CD163L1: variants seen among roughly 807,000 people sequenced by gnomAD.
The protein encoded by CD163L1 is scavenger receptor cysteine-rich type 1 protein M160.
A neutral mutation model predicts 165.4 loss-of-function variants in CD163L1; 124 were observed. The observed-to-expected ratio is 0.75, with a 90% CI of 0.65 to 0.87. The LOEUF (loss-of-function observed/expected upper bound fraction) is 0.87. Among genes scored for constraint, CD163L1 ranks in the 40% least tolerant of loss-of-function variants. The pLI, the probability that CD163L1 is intolerant of heterozygous loss-of-function variation, is 0.00. For missense variants in CD163L1, 1,525 were observed against 1,799.9 expected (o/e 0.85, Z 2.76); for synonymous variants, 585 against 662.2 (o/e 0.88, Z 1.79).
chr12:7,431,614 G>A (rs1197545186), intron 4 of CD163L1, among the ~76,000 whole-genome samples: 2 of 151,832 alleles, frequency 1.3e-5, no homozygotes, highest in African/African-American at 2.4e-5. Context: ...GTTGGGGGGT[G>A]GGGGGCTGGG....
At chr12:7,326,756 G>A in the CD163L1 span, among the ~76,000 whole-genome samples, 1 of 152,310 alleles carries the variant, frequency 6.6e-6, no homozygotes, top group East Asian at 1.9e-4. Flanking sequence ...TTCTTGAACT[G>A]CTGCACTCCT....
intron 7 of CD163L1, among the ~76,000 whole-genome samples, chr12:7,397,697 T>C (rs887881756): frequency 6.6e-6 from 1 of 152,176 alleles, no homozygotes; most frequent in Non-Finnish European, 1.5e-5. Flanking sequence ...CAGCCCTCTT[T>C]ACATCTAGAC....
the CD163L1 span, among the ~76,000 whole-genome samples, chr12:7,327,882 A>G: frequency 6.6e-6 from 1 of 152,174 alleles, no homozygotes; most frequent in Non-Finnish European, 1.5e-5. Context: ...GGAAAACTGT[A>G]TATACTCCAA....
intron 4 of CD163L1, among the ~76,000 whole-genome samples, chr12:7,425,985 T>C (rs370791563): frequency 1.3e-5 from 2 of 152,286 alleles, no homozygotes; most frequent in African/African-American, 4.8e-5. Flanking sequence ...TAAAAACATA[T>C]GCACACATAT....
the CD163L1 span, among the ~76,000 whole-genome samples, chr12:7,331,110 C>T: frequency 1.3e-5 from 2 of 152,254 alleles, no homozygotes; most frequent in Non-Finnish European, 2.9e-5. Flanking sequence ...TTCCAATGGG[C>T]TTAACAAATG....
rs1371383058 is a variant in CD163L1, at chr12:7,396,370, C to T, written c.1775G>A (p.Cys592Tyr). ...GLRLVGGSNR[C>Y]SGRLEVYFQG... Reference sequence around the variant, plus strand: ...AAAGTACACCTCCAGTCTTCCCGAGCAGCGGTTGCTGCCGCCCACCAGCCT... The same window carrying T: ...AAAGTACACCTCCAGTCTTCCCGAGTAGCGGTTGCTGCCGCCCACCAGCCT... Residue 592 changes from cysteine (C) to tyrosine (Y), a missense_variant, in exon 8 of 20, where the codon TGC becomes TAC. Physicochemically the swap from Cys to Tyr is radical, Grantham distance 194. Transcript: ENST00000313599. 2.5e-6 allele frequency: 4 copies of T among 1,611,320 alleles called. No individual in the cohort carries two copies. In the African/African-American group the frequency reaches 4.0e-5, roughly 16 times the overall value.
Position 7,375,171 on chromosome 12 carries a change from C to T in CD163L1, c.3001+110G>A, listed in dbSNP as rs762171661. 1.2e-4 allele frequency: 132 copies of T among 1,092,416 alleles called. 1 individual carries two copies. In the South Asian group the frequency reaches 1.6e-3, roughly 13 times the overall value. 67.7% of individuals were successfully genotyped at this position (1,092,416 alleles called of 1,614,324 possible). ...TACTCTTTGACTGTCATGCCTATCC[C>T]CCCTCCACCTGCACCCCCATTTTCT... On this transcript the variant is annotated intron_variant, in intron 11 of 19. Coordinates refer to ENST00000313599, the MANE Select transcript of CD163L1 (RefSeq NM_174941.6).
At chr12:7,417,423 C>A (rs1948268012) in intron 4 of CD163L1, among the ~76,000 whole-genome samples, 1 of 152,098 alleles carries the variant, frequency 6.6e-6, no homozygotes, top group Non-Finnish European at 1.5e-5. Context: ...TGCCTGATTG[C>A]CCTGGCCAGA....
rs1221457695 is a variant in CD163L1, at chr12:7,368,652, T to A, written c.4072+281A>T. On this transcript the variant is annotated intron_variant, in intron 16 of 19. Transcript: ENST00000313599. The surrounding 1 kb of genome is among the most constrained non-coding windows in gnomAD (Gnocchi z 4.3). ...AGTGATTCTCCTGAAGCTTGAGCTG[T>A]TTCTGCCAGTCTCATAAAGAATATT... is the stretch of plus-strand genomic sequence containing the variant. Among the ~76,000 whole-genome samples the A allele has an allele frequency of 2.0e-5, 3 of 152,008 alleles. No individual in the cohort carries two copies. Among genetic ancestry groups the A allele is most frequent in the Non-Finnish European group, 2.9e-5 (2 of 67,988 alleles).
intron 8 of CD163L1, among the ~76,000 whole-genome samples, chr12:7,384,370 A>G (rs1947472389): frequency 6.6e-6 from 1 of 152,166 alleles, no homozygotes; most frequent in South Asian, 2.1e-4. Flanking sequence ...TAGAAAACTT[A>G]TTTAATAAAA....
chr12:7,341,822 C>A (rs752290897), downstream of CD163L1, among the ~76,000 whole-genome samples: 1 of 152,320 alleles, frequency 6.6e-6, no homozygotes, highest in Admixed American at 6.5e-5. Flanking sequence ...TATGGAATTA[C>A]CTGTGACATT....
chr12:7,342,567 C>G (rs752245753), downstream of CD163L1, among the ~76,000 whole-genome samples: 2 of 152,310 alleles, frequency 1.3e-5, no homozygotes, highest in African/African-American at 2.4e-5. Context: ...TTTAATTCCT[C>G]TAGCACCACT....
downstream of CD163L1, among the ~76,000 whole-genome samples, chr12:7,354,715 G>A (rs1267725895): frequency 6.6e-6 from 1 of 152,092 alleles, no homozygotes; most frequent in Non-Finnish European, 1.5e-5. Flanking sequence ...CAGATCTGAT[G>A]AGGGCTCCCT....
At chr12:7,377,195 C>T (rs767401121) in intron 9 of CD163L1, among the ~76,000 whole-genome samples, 18 of 152,246 alleles carry the variant, frequency 1.2e-4, no homozygotes, top group African/African-American at 2.9e-4. Context: ...TTTCCTTCTG[C>T]GTATATGCAT....
intron 1 of CD163L1, 135 bp downstream of exon 1, chr12:7,443,962 A>C: frequency 1.2e-6 from 1 of 849,496 alleles, no homozygotes; most frequent in East Asian, 2.8e-5. Flanking sequence ...CAAAACTTTC[A>C]ATTTTTTTAT....
At chr12:7,431,088 T>G (rs758155840) in intron 4 of CD163L1, among the ~76,000 whole-genome samples, 81 of 152,144 alleles carry the variant, frequency 5.3e-4, no homozygotes, top group African/African-American at 1.9e-3. Flanking sequence ...AAGTGATTGT[T>G]GCTTGGTTTA....
At chr12:7,434,900 T>C (rs1054676135) in intron 2 of CD163L1, among the ~76,000 whole-genome samples, 40 of 152,182 alleles carry the variant, frequency 2.6e-4, no homozygotes, top group Non-Finnish European at 5.9e-5. Flanking sequence ...GCCTATACTA[T>C]ACTCATAACT....
At chr12:7,390,677 T>G (rs1947635708) in intron 8 of CD163L1, among the ~76,000 whole-genome samples, 1 of 152,134 alleles carries the variant, frequency 6.6e-6, no homozygotes, top group Non-Finnish European at 1.5e-5. Flanking sequence ...AAAGGAAAAT[T>G]TCAAGTCTAT....
At chr12:7,422,516 C>G (rs1287272273) in intron 4 of CD163L1, among the ~76,000 whole-genome samples, 1 of 151,516 alleles carries the variant, frequency 6.6e-6, no homozygotes, top group African/African-American at 2.4e-5. Flanking sequence ...ATGTTCTAAC[C>G]CAATGCAAGG....
Sources: allele counts gnomAD v4.1 joint callset (sites outside exome capture counted in the v4.1 genomes callset), GRCh38; gene constraint gnomAD v4.1.1; non-coding constraint Gnocchi (gnomAD v3.1); transcripts MANE v1.5; gene names NCBI Gene and HGNC (gene_info 2026-07-23, HGNC 2026-07-21).